The following VIT variants were observed in gnomAD, a reference collection of about 807,000 sequenced individuals.
The protein encoded by VIT is vitrin.
A neutral mutation model predicts 78.0 loss-of-function variants in VIT; 99 were observed. The ratio of observed to expected loss-of-function variants is 1.27; its 90% confidence interval spans 1.08 to 1.50. The LOEUF is 1.50. Ranked by LOEUF, VIT falls within the 40% of genes most tolerant of loss-of-function variation. The pLI, the probability that VIT is intolerant of heterozygous loss-of-function variation, is 0.00. For synonymous variants in VIT, 374 were observed against 334.3 expected (o/e 1.12, Z -1.29); for missense variants, 1,126 against 875.3 (o/e 1.29, Z -3.61).
intron 1 of VIT, among the ~76,000 whole-genome samples, chr2:36,700,698 T>G (rs7572526): frequency 0.82 from 125,266 of 151,948 alleles, 52,552 homozygotes; most frequent in Middle Eastern, 0.95. Context: ...GCTATGATCA[T>G]GCACTCCAGC....
intron 2 of VIT, among the ~76,000 whole-genome samples, chr2:36,727,745 G>C (rs1047333108): frequency 2.0e-5 from 3 of 152,168 alleles, no homozygotes; most frequent in African/African-American, 7.2e-5. Flanking sequence ...AATTCCTATT[G>C]CCTAGTGACA....
intron 3 of VIT, among the ~76,000 whole-genome samples, chr2:36,739,860 A>AC (rs1482388886): frequency 1.3e-5 from 2 of 152,130 alleles, no homozygotes; most frequent in African/African-American, 4.8e-5. Flanking sequence ...TTTGGTGTGG[A>AC]CTTTCCCTCA....
At chr2:36,783,303 C>G (rs868487488) in intron 10 of VIT, 37 bp from the exon 11 acceptor site, 2 of 1,611,416 alleles carry the variant, frequency 1.2e-6, no homozygotes, top group Non-Finnish European at 1.7e-6. Flanking sequence ...TGCTTCCTTT[C>G]CTTGTAAGTC....
chr2:36,716,345 C>G lies in VIT; in HGVS notation c.-18-8C>G, dbSNP rs1490289582. The G allele has an allele frequency of 6.2e-7, 1 of 1,611,364 alleles. No individual in the cohort carries two copies. Among genetic ancestry groups the G allele is most frequent in the Admixed American group, 1.7e-5 (1 of 59,780 alleles). The stretch of plus-strand genomic sequence containing the variant: ...AATATGATGACGTTATTGTTTCTTT[C>G]TCTCCAGGGTGTCATTCTGATATTT... On this transcript the variant is annotated splice_polypyrimidine_tract_variant and splice_region_variant and intron_variant, in intron 1 of 15. Coordinates refer to ENST00000379242, the MANE Select transcript of VIT (RefSeq NM_053276.4).
intron 4 of VIT, among the ~76,000 whole-genome samples, chr2:36,745,393 T>C (rs1383333857): frequency 6.6e-6 from 1 of 152,178 alleles, no homozygotes; most frequent in Admixed American, 6.5e-5. Context: ...ATCTGTACAT[T>C]GCTTTGGGCA....
At chr2:36,774,460 A>T in intron 8 of VIT, 2 of 977,344 alleles carry the variant, frequency 2.0e-6, no homozygotes, top group Non-Finnish European at 2.4e-6. Flanking sequence ...AGCCCGGTCT[A>T]TGAGCTGATA....
At chr2:36,807,971 CAT>C (rs1252675621) in intron 14 of VIT, among the ~76,000 whole-genome samples, 4 of 152,196 alleles carry the variant, frequency 2.6e-5, no homozygotes, top group African/African-American at 7.2e-5. Context: ...GGACCCCTAA[CAT>C]GTGGTCATTC....
chr2:36,705,207 T>C (rs1665337265), intron 1 of VIT, among the ~76,000 whole-genome samples: 1 of 152,204 alleles, frequency 6.6e-6, no homozygotes, highest in Non-Finnish European at 1.5e-5. Context: ...CCACCTCGTC[T>C]TTTTGAGGTC....
chr2:36,718,965 G>A (rs1666328863), intron 2 of VIT, among the ~76,000 whole-genome samples: 1 of 152,192 alleles, frequency 6.6e-6, no homozygotes, highest in African/African-American at 2.4e-5. Flanking sequence ...TTAAGAATGG[G>A]TTGAGGGTGG....
intron 15 of VIT, 138 bp from the exon 16 acceptor site, chr2:36,814,045 C>A: frequency 1.1e-6 from 1 of 938,032 alleles, no homozygotes; most frequent in Non-Finnish European, 1.6e-6. Flanking sequence ...AGGCCTGTAG[C>A]GTATTTTTGG....
chr2:36,783,473 C>A, intron 11 of VIT, 71 bp downstream of exon 11: 2 of 1,465,422 alleles, frequency 1.4e-6, no homozygotes, highest in South Asian at 2.4e-5. Context: ...TCTTCCCACT[C>A]ACTCCCACTC....
At chr2:36,792,823 C>T (rs1046750763) in intron 12 of VIT, among the ~76,000 whole-genome samples, 2 of 152,192 alleles carry the variant, frequency 1.3e-5, no homozygotes, top group African/African-American at 2.4e-5. Context: ...ACCCTCCTCC[C>T]TTTCTCTGCC....
intron 1 of VIT, among the ~76,000 whole-genome samples, chr2:36,697,697 G>A (rs1019518590): frequency 2.0e-5 from 3 of 152,198 alleles, no homozygotes; most frequent in African/African-American, 7.2e-5. Context: ...ACAGGTTAAA[G>A]AGAGAGGATA....
At chr2:36,744,131 A>G (rs756226411) in intron 4 of VIT, among the ~76,000 whole-genome samples, 1 of 152,160 alleles carries the variant, frequency 6.6e-6, no homozygotes, top group Non-Finnish European at 1.5e-5. Flanking sequence ...GCTGCAAAGG[A>G]CAAAATTTGC....
At chr2:36,803,842 G>T (rs529335691) in intron 13 of VIT, among the ~76,000 whole-genome samples, 1 of 152,158 alleles carries the variant, frequency 6.6e-6, no homozygotes, top group African/African-American at 2.4e-5. Flanking sequence ...TGAGAATTCC[G>T]TGAAAGCTAT....
intron 2 of VIT, among the ~76,000 whole-genome samples, chr2:36,716,911 C>G (rs931654726): frequency 4.2e-5 from 5 of 118,054 alleles, no homozygotes; most frequent in African/African-American, 1.6e-4. Flanking sequence ...GAGTCTCACT[C>G]TCTTGCCCAG....
intron 4 of VIT, among the ~76,000 whole-genome samples, chr2:36,752,977 A>G (rs1416884842): frequency 1.3e-5 from 2 of 152,224 alleles, no homozygotes; most frequent in African/African-American, 4.8e-5. Context: ...TCGATGATAG[A>G]CTGGATAGAG....
Position 36,808,316 on chromosome 2 carries a change from C to T in VIT, c.1390-156C>T, listed in dbSNP as rs559416852. On this transcript the variant is annotated intron_variant, in intron 14 of 15. Coordinates refer to ENST00000379242, the MANE Select transcript of VIT (RefSeq NM_053276.4). ...CGGGGGCTTCGCCTCAGTGAGTGGCCGCTGGGTGAACCGAGATGGAAGAAC... is the reference window on the plus strand; with the variant it reads ...CGGGGGCTTCGCCTCAGTGAGTGGCTGCTGGGTGAACCGAGATGGAAGAAC... 2.0e-5 allele frequency among the ~76,000 whole-genome samples: 3 copies of T among 152,308 alleles called. No homozygotes were observed. The South Asian group carries it at 6.2e-4, about 32-fold the overall frequency.
At chr2:36,720,153 T>G (rs1487829455) in intron 2 of VIT, among the ~76,000 whole-genome samples, 3 of 152,136 alleles carry the variant, frequency 2.0e-5, no homozygotes, top group Non-Finnish European at 4.4e-5. Context: ...TCTAAATTCA[T>G]ATGGAAACAG....
Sources: gnomAD v4.1 joint callset for allele counts (sites outside exome capture counted in the v4.1 genomes callset) on GRCh38, gnomAD v4.1.1 for gene constraint, MANE v1.5 for transcripts, NCBI Gene and HGNC (gene_info 2026-07-23, HGNC 2026-07-21) for gene names.